The following RBM26 variants were observed in gnomAD, a reference collection of about 807,000 sequenced individuals.
RBM26 encodes RNA-binding protein 26.
In RBM26, 30 loss-of-function variants were observed where a neutral mutation model predicts 123.6. The ratio of observed to expected loss-of-function variants is 0.24; its 90% CI spans 0.18 to 0.33. RBM26 has a LOEUF of 0.33. RBM26 is among the 10% of genes least tolerant of loss of function. The pLI is 1.00. For missense variants in RBM26, 947 were observed against 1,203.6 expected (o/e 0.79, Z 3.15); for synonymous variants, 400 against 404.4 (o/e 0.99, Z 0.13).
intron 1 of RBM26, among the ~76,000 whole-genome samples, chr13:79,400,672 G>GT (rs1387300521): frequency 6.6e-6 from 1 of 152,140 alleles, no homozygotes; most frequent in Non-Finnish European, 1.5e-5. Context: ...ACAAAAGAGG[G>GT]TAAGACTGAC....
intron 20 of RBM26, among the ~76,000 whole-genome samples, chr13:79,332,998 A>G (rs2069684122): frequency 2.0e-5 from 3 of 152,128 alleles, no homozygotes; most frequent in Admixed American, 2.0e-4. Flanking sequence ...TTATTTTATA[A>G]TACCACTATT....
chr13:79,359,152 T>G (rs2074365431), intron 10 of RBM26, among the ~76,000 whole-genome samples: 1 of 152,148 alleles, frequency 6.6e-6, no homozygotes, highest in African/African-American at 2.4e-5. Context: ...ATTCAATGCC[T>G]AGACAGCCTC....
At chr13:79,391,495 G>A (rs8002645) in intron 1 of RBM26, among the ~76,000 whole-genome samples, 3,006 of 152,076 alleles carry the variant, frequency 0.02, 76 homozygotes, top group African/African-American at 0.067. Flanking sequence ...GCCATCTAGC[G>A]TCACTGCAAC....
chr13:79,373,769 T>C lies in RBM26; in HGVS notation c.328-1839A>G, dbSNP rs2076390256. Reference sequence around the variant, plus strand: ...TATATATATATCTGGGAAAACAATATATAAGGTGAAATAGTTCTCCAGTTT... The same window carrying C: ...TATATATATATCTGGGAAAACAATACATAAGGTGAAATAGTTCTCCAGTTT... On this transcript the variant is annotated intron_variant, in intron 3 of 21. Transcript: ENST00000438737. 2.2e-5 allele frequency among the ~76,000 whole-genome samples: 3 copies of C among 138,048 alleles called. No homozygotes were observed. In the South Asian group the frequency reaches 6.4e-4, roughly 30 times the overall value. The allele number at this position is 138,048 out of a possible 152,430, so 90.6% of individuals were successfully genotyped here. A position where few individuals can be genotyped will look rare whatever the true frequency, so the allele number is the denominator to read the frequency against.
Position 79,354,486 on chromosome 13 carries a change from T to C in RBM26, c.1939A>G (p.Thr647Ala), listed in dbSNP as rs1288086647. The C allele has an allele frequency of 1.2e-6, 2 of 1,607,518 alleles. No individual in the cohort carries two copies. Among genetic ancestry groups the C allele is most frequent in the Admixed American group, 1.7e-5 (1 of 59,906 alleles). Residue 647 changes from threonine to alanine, a missense_variant, in exon 13 of 22, where the codon ACT (threonine) becomes GCT (alanine). By Grantham distance (58) the Thr-to-Ala change is moderately conservative. Transcript: ENST00000438737. ...CTCTGGGCTTCTGCAGGTTCAATAG[T>C]ACTTGAAGGTACTGGACCCAGCCGC... ...KERLGPVPSS[T>A]IEPAEAQSAS...
chr13:79,391,789 G>A (rs1030907004), intron 1 of RBM26, among the ~76,000 whole-genome samples: 11 of 151,854 alleles, frequency 7.2e-5, no homozygotes, highest in Non-Finnish European at 1.6e-4. Flanking sequence ...GTATGGGAAA[G>A]AGAAAGTTGC....
intron 1 of RBM26, among the ~76,000 whole-genome samples, chr13:79,396,855 C>T (rs896360871): frequency 1.3e-5 from 2 of 152,016 alleles, no homozygotes; most frequent in African/African-American, 2.4e-5. Flanking sequence ...AACAAAAAAA[C>T]GGGAAAATCT....
At chr13:79,324,401 C>A (rs2068080201) in intron 20 of RBM26, among the ~76,000 whole-genome samples, 1 of 151,720 alleles carries the variant, frequency 6.6e-6, no homozygotes, top group Admixed American at 6.6e-5. Context: ...CAGATATGAA[C>A]AATCTTGTGT....
Position 79,337,195 on chromosome 13 carries a change from C to T in RBM26, c.2640G>A (p.Val880=), listed in dbSNP as rs748286336. ...RGRGRGRGRG[V]PGHAVVDHRP... ...GGTGATCCACCACAGCATGACCAGG[C>T]ACACCTCGCCCTCGCCCTCGCCCCC... The change falls in exon 19 of 22, where the codon GTG becomes GTA. Residue 880 remains valine (V), a synonymous_variant. Transcript: ENST00000438737. 23 of 1,614,028 alleles carry T rather than the reference C, an allele frequency of 1.4e-5. No homozygotes were observed. The highest frequency in any genetic ancestry group is 1.9e-5 in the Non-Finnish European group (22 of 1,180,020).
chr13:79,345,088 A>G (rs2072088846), intron 14 of RBM26, among the ~76,000 whole-genome samples: 1 of 152,194 alleles, frequency 6.6e-6, no homozygotes, highest in Non-Finnish European at 1.5e-5. Flanking sequence ...TCACTGAGAA[A>G]GCATTAGTTG....
intron 3 of RBM26, among the ~76,000 whole-genome samples, chr13:79,372,262 C>T (rs1329852130): frequency 6.6e-6 from 1 of 152,110 alleles, no homozygotes; most frequent in Non-Finnish European, 1.5e-5. Flanking sequence ...GCCTGGGCGA[C>T]AGAGTGAGGC....
intron 3 of RBM26, among the ~76,000 whole-genome samples, chr13:79,373,848 C>T (rs1008899888): frequency 6.7e-6 from 1 of 148,686 alleles, no homozygotes; most frequent in African/African-American, 2.5e-5. Flanking sequence ...TGCCTCCATT[C>T]ACATTATATA....
chr13:79,328,170 A>T (rs2068722538), intron 20 of RBM26, among the ~76,000 whole-genome samples: 1 of 152,116 alleles, frequency 6.6e-6, no homozygotes, highest in Non-Finnish European at 1.5e-5. Context: ...AACACCTAAA[A>T]CATACCAGCA....
intron 1 of RBM26, among the ~76,000 whole-genome samples, chr13:79,397,927 A>G (rs541187682): frequency 1.3e-5 from 2 of 152,320 alleles, no homozygotes; most frequent in African/African-American, 2.4e-5. Flanking sequence ...AAAAAATAAC[A>G]AAAGAAATGC....
At chr13:79,403,019 T>C (rs1222624532) in intron 1 of RBM26, among the ~76,000 whole-genome samples, 1 of 152,062 alleles carries the variant, frequency 6.6e-6, no homozygotes, top group Non-Finnish European at 1.5e-5. Flanking sequence ...AGTTTCAAGT[T>C]ACAGCTTACC....
At chr13:79,366,902 G>A in intron 6 of RBM26, 30 bp from the exon 7 acceptor site, 2 of 1,513,356 alleles carry the variant, frequency 1.3e-6, no homozygotes, top group Non-Finnish European at 1.8e-6. Context: ...AGAAACAAAT[G>A]TCAAAAGCAC....
At position 79,379,052 on chromosome 13, in the gene RBM26, T is replaced by G; in HGVS notation, c.72-145A>C. The stretch of plus-strand genomic sequence containing the variant: ...GGGTCACAGAGGACCTTGAAGAAAT[T>G]TAAGTTCTCTTTATACTAACACTCC... On this transcript the variant is annotated intron_variant, in intron 1 of 21. Coordinates refer to ENST00000438737, the MANE Select transcript of RBM26 (RefSeq NM_001366735.2). The G allele has an allele frequency of 4.9e-6, 3 of 609,634 alleles. No individual in the cohort carries two copies. In the South Asian group the frequency reaches 6.3e-5, roughly 13 times the overall value. The allele number at this position is 609,634 out of a possible 1,614,324, so 37.8% of individuals were successfully genotyped here.
At chr13:79,341,915 C>CA (rs1176451120) in intron 17 of RBM26, among the ~76,000 whole-genome samples, 4 of 151,822 alleles carry the variant, frequency 2.6e-5, no homozygotes, top group Non-Finnish European at 5.9e-5. Context: ...TCTGACTTTA[C>CA]ACCTTTAGTG....
At chr13:79,316,201 G>GTGTGTGTGTA (rs1555286964), downstream of RBM26, among the ~76,000 whole-genome samples, 1 of 141,452 alleles carries the variant, frequency 7.1e-6, no homozygotes, top group Non-Finnish European at 1.5e-5. Context: ...AGGTGTGTGT[G>GTGTGTGTGTA]TGTGTGTGTG....
Sources: gnomAD v4.1 joint callset for allele counts (sites outside exome capture counted in the v4.1 genomes callset) on GRCh38, gnomAD v4.1.1 for gene constraint, MANE v1.5 for transcripts, NCBI Gene and HGNC (gene_info 2026-07-23, HGNC 2026-07-21) for gene names.